PCSK2: variants seen among roughly 807,000 people sequenced by gnomAD.
PCSK2 encodes the protein neuroendocrine convertase 2.
In PCSK2, 14 loss-of-function variants were observed where a neutral mutation model predicts 69.7. The observed-to-expected ratio is 0.20, with a 90% CI of 0.13 to 0.31. The LOEUF is 0.31. PCSK2 is among the 10% of genes least tolerant of loss of function. The probability of loss-of-function intolerance (pLI) is 1.00; values close to 1 mark genes in which losing one functional copy is unlikely to be tolerated. For missense variants in PCSK2, 544 were observed against 842.5 expected (o/e 0.65, Z 4.39); for synonymous variants, 307 against 320.7 (o/e 0.96, Z 0.46).
chr20:17,230,562 A>G (rs996229177), intron 1 of PCSK2, among the ~76,000 whole-genome samples: 5 of 152,182 alleles, frequency 3.3e-5, no homozygotes, highest in African/African-American at 1.2e-4. Flanking sequence ...CTTGAGACAC[A>G]ATTTTAGAGC....
At chr20:17,364,617 A>G (rs901482590) in intron 4 of PCSK2, among the ~76,000 whole-genome samples, 2 of 152,156 alleles carry the variant, frequency 1.3e-5, no homozygotes, top group Non-Finnish European at 2.9e-5. Context: ...ACCCACCCCC[A>G]TGATTTAATT....
At chr20:17,426,312 G>T (rs781446545) in intron 6 of PCSK2, among the ~76,000 whole-genome samples, 6 of 152,142 alleles carry the variant, frequency 3.9e-5, no homozygotes, top group Non-Finnish European at 8.8e-5. Flanking sequence ...CTTCCACCAT[G>T]ATTTTAAGTT....
At chr20:17,476,918 G>T (rs1055757958) in intron 11 of PCSK2, among the ~76,000 whole-genome samples, 1 of 152,198 alleles carries the variant, frequency 6.6e-6, no homozygotes, top group Non-Finnish European at 1.5e-5. Flanking sequence ...CCAGATCCTG[G>T]GAACAGAAAG....
At chr20:17,315,507 C>T (rs1989656331) in intron 2 of PCSK2, among the ~76,000 whole-genome samples, 2 of 152,162 alleles carry the variant, frequency 1.3e-5, no homozygotes. Context: ...GTGCACAGCG[C>T]CCAGCTCCCG....
Position 17,319,488 on chromosome 20 carries a change from G to A in PCSK2, c.283-38839G>A, listed in dbSNP as rs957874596. 3.9e-5 allele frequency among the ~76,000 whole-genome samples: 6 copies of A among 152,326 alleles called. No individual in the cohort carries two copies. In the South Asian group the frequency reaches 1.0e-3, roughly 26 times the overall value. Reference sequence around the variant, plus strand: ...GATTGGGCCCTGTATATCTCCAACAGAGTAGCCCAAGATTGTTCACATGCT... The same window carrying A: ...GATTGGGCCCTGTATATCTCCAACAAAGTAGCCCAAGATTGTTCACATGCT... On this transcript the variant is annotated intron_variant, in intron 2 of 11. Transcript: ENST00000262545.
At chr20:17,362,969 G>C (rs2030452784) in intron 4 of PCSK2, among the ~76,000 whole-genome samples, 1 of 152,220 alleles carries the variant, frequency 6.6e-6, no homozygotes, top group Non-Finnish European at 1.5e-5. Context: ...GGGAAGGCTG[G>C]CAACATCAGT....
upstream of PCSK2, chr20:17,226,361 C>T (rs1443769125): frequency 2.6e-5 from 4 of 152,122 alleles, no homozygotes; most frequent in East Asian, 2.0e-4. Flanking sequence ...TCTCGCCCCC[C>T]ATGGATCACC....
intron 5 of PCSK2, among the ~76,000 whole-genome samples, chr20:17,370,755 C>A (rs1325846928): frequency 1.3e-5 from 2 of 152,204 alleles, no homozygotes; most frequent in African/African-American, 4.8e-5. Flanking sequence ...CTGCCTCTCC[C>A]TGACTATGGC....
chr20:17,455,143 C>T (rs1211480975), intron 9 of PCSK2, among the ~76,000 whole-genome samples: 8 of 152,120 alleles, frequency 5.3e-5, no homozygotes, highest in Non-Finnish European at 1.2e-4. Context: ...CCAAAGACCT[C>T]TCAGTGGTGT....
chr20:17,357,859 C>T (rs7264224), intron 2 of PCSK2, among the ~76,000 whole-genome samples: 3,116 of 151,638 alleles, frequency 0.021, 107 homozygotes, highest in African/African-American at 0.072. Context: ...ATGCCATTGC[C>T]CTCCGGCCTG....
chr20:17,472,340 C>T (rs908016132), intron 11 of PCSK2, among the ~76,000 whole-genome samples: 1 of 152,214 alleles, frequency 6.6e-6, no homozygotes, highest in South Asian at 2.1e-4. Flanking sequence ...GTGCTCGGCC[C>T]TGTGCCACCT....
At chr20:17,379,623 C>T (rs921861154) in intron 5 of PCSK2, among the ~76,000 whole-genome samples, 5 of 152,150 alleles carry the variant, frequency 3.3e-5, no homozygotes, top group African/African-American at 9.7e-5. Flanking sequence ...TTGTAAAATG[C>T]CCCCCTAAGA....
At chr20:17,235,924 A>C (rs1986320710) in intron 1 of PCSK2, among the ~76,000 whole-genome samples, 1 of 152,160 alleles carries the variant, frequency 6.6e-6, no homozygotes, top group Non-Finnish European at 1.5e-5. Flanking sequence ...TCACGAGATA[A>C]GTTAGGAACC....
intron 5 of PCSK2, among the ~76,000 whole-genome samples, chr20:17,399,502 A>G (rs919011145): frequency 6.6e-6 from 1 of 152,230 alleles, no homozygotes. Context: ...AAATAAATGC[A>G]ACGTAAGCAA....
intron 2 of PCSK2, among the ~76,000 whole-genome samples, chr20:17,284,468 G>A (rs1438623366): frequency 2.0e-5 from 3 of 152,194 alleles, no homozygotes; most frequent in East Asian, 1.9e-4. Context: ...TTCCTTGTGA[G>A]GGAGAGCAGA....
chr20:17,436,019 A>C (rs1471018027), intron 7 of PCSK2, among the ~76,000 whole-genome samples: 1 of 152,194 alleles, frequency 6.6e-6, no homozygotes, highest in African/African-American at 2.4e-5. Context: ...GCTCCTTCCC[A>C]ACATTCTGTG....
intron 5 of PCSK2, among the ~76,000 whole-genome samples, chr20:17,391,965 AAAGG>A (rs2031392097): frequency 2.8e-5 from 2 of 70,332 alleles, no homozygotes; most frequent in South Asian, 9.2e-4. Context: ...GGAAAGAAGG[AAAGG>A]AAGGAAGGGA....
intron 10 of PCSK2, among the ~76,000 whole-genome samples, chr20:17,458,027 G>A (rs952423016): frequency 6.6e-5 from 10 of 152,266 alleles, no homozygotes; most frequent in South Asian, 2.1e-4. Flanking sequence ...TAGCACATAC[G>A]TCCAGATATC....
At chr20:17,261,844 T>C (rs189597459) in intron 2 of PCSK2, among the ~76,000 whole-genome samples, 1 of 152,384 alleles carries the variant, frequency 6.6e-6, no homozygotes, top group Admixed American at 6.5e-5. Context: ...GTTTTCCTTT[T>C]AGTTATGTAT....
Sources: gnomAD v4.1 joint callset for allele counts (sites outside exome capture counted in the v4.1 genomes callset) on GRCh38, gnomAD v4.1.1 for gene constraint, MANE v1.5 for transcripts, NCBI Gene and HGNC (gene_info 2026-07-23, HGNC 2026-07-21) for gene names.